BPIFA2: variants seen among roughly 807,000 people sequenced by gnomAD.
BPIFA2 encodes the protein BPI fold containing family A member 2.
Under a neutral mutation model 25.7 loss-of-function variants are expected in BPIFA2, and 20 were observed. The observed-to-expected ratio is 0.78, with a 90% CI of 0.55 to 1.13. BPIFA2 has a LOEUF of 1.13. BPIFA2 is among the 50% of genes most tolerant of loss of function. The pLI, the probability that BPIFA2 is intolerant of heterozygous loss-of-function variation, is 0.00. For missense variants in BPIFA2, 300 were observed against 298.1 expected (o/e 1.01, Z -0.05); for synonymous variants, 126 against 124.3 (o/e 1.01, Z -0.09).
At chr20:33,164,682 TTCTC>T (rs773573757), upstream of BPIFA2, among the ~76,000 whole-genome samples, 7 of 151,504 alleles carry the variant, frequency 4.6e-5, no homozygotes, top group South Asian at 2.1e-4. Context: ...TTTTTCCTCC[TTCTC>T]TCTCTCTCTT....
rs34968847 is a variant in BPIFA2 at position 33,180,557 on chromosome 20, C to T, written c.747C>T (p.Ile249=). 60,686 of 1,612,644 alleles carry T rather than the reference C, an allele frequency of 0.038. 1,666 individuals carry two copies. Among genetic ancestry groups the T allele is most frequent in the African/African-American group, 0.14 (10,497 of 74,970 alleles). The change falls in exon 8 of 9, where the codon ATC becomes ATT. Residue 249 remains isoleucine, a synonymous_variant. Transcript: ENST00000354932. Reference sequence around the variant, plus strand: ...ACAAAACCCAGCTGCAAACCCTCATCTGAAGAGGACGAATGAGGAGGACCA... The same window carrying T: ...ACAAAACCCAGCTGCAAACCCTCATTTGAAGAGGACGAATGAGGAGGACCA... ...PQHKTQLQTL[I] is the part of the protein sequence containing the mutation.
chr20:33,173,153 T>C (rs41290864), intron 3 of BPIFA2, 77 bp downstream of exon 3: 18 of 1,519,306 alleles, frequency 1.2e-5, no homozygotes, highest in Non-Finnish European at 1.5e-5. Context: ...AAGTTTAAGA[T>C]GAAAGACAGA....
At chr20:33,169,804 T>C (rs1028318452) in intron 2 of BPIFA2, among the ~76,000 whole-genome samples, 4 of 152,234 alleles carry the variant, frequency 2.6e-5, no homozygotes, top group African/African-American at 9.6e-5. Context: ...ATTCTTAGCA[T>C]ATTTTTCTTT....
chr20:33,164,477 C>T (rs559396926), upstream of BPIFA2, among the ~76,000 whole-genome samples: 2 of 152,186 alleles, frequency 1.3e-5, no homozygotes, highest in African/African-American at 2.4e-5. Context: ...GTGGGACTGG[C>T]GAGACGTGGC....
chr20:33,169,424 A>G, intron 2 of BPIFA2, 122 bp downstream of exon 2: 2 of 924,210 alleles, frequency 2.2e-6, no homozygotes, highest in South Asian at 1.8e-5. Flanking sequence ...AAAAGTGGCT[A>G]TTCAATTCCT....
chr20:33,179,828 C>CTTTGGCT (rs1984213307), intron 7 of BPIFA2, among the ~76,000 whole-genome samples, 161 bp downstream of exon 7: 1 of 152,192 alleles, frequency 6.6e-6, no homozygotes, highest in African/African-American at 2.4e-5. Context: ...CGGGGGCTCC[C>CTTTGGCT]TTTGGCTTTT....
At chr20:33,179,799 C>CTCCCAA in intron 7 of BPIFA2, 132 bp downstream of exon 7, 1 of 918,948 alleles carries the variant, frequency 1.1e-6, no homozygotes, top group Non-Finnish European at 1.8e-6. Context: ...GGAGCCATGG[C>CTCCCAA]TTCCCCTCCA....
chr20:33,169,336 A>C, intron 2 of BPIFA2, 34 bp downstream of exon 2: 6 of 1,604,452 alleles, frequency 3.7e-6, no homozygotes, highest in Non-Finnish European at 5.1e-6. Context: ...AGTGTCACCT[A>C]AATTAGCCTC....
At chr20:33,181,054 G>T (rs1331640134) in intron 8 of BPIFA2, among the ~76,000 whole-genome samples, 170 bp from the exon 9 acceptor site, 2 of 152,174 alleles carry the variant, frequency 1.3e-5, no homozygotes, top group African/African-American at 4.8e-5. Flanking sequence ...CAAACCACAG[G>T]TGCCAGTTTC....
chr20:33,178,036 C>T, intron 5 of BPIFA2, 111 bp from the exon 6 acceptor site: 3 of 686,584 alleles, frequency 4.4e-6, no homozygotes, highest in Non-Finnish European at 7.5e-6. Context: ...TCTCCATGTC[C>T]CTGGGGTTTA....
chr20:33,179,673 T>C lies in BPIFA2; in HGVS notation c.709+6T>C, dbSNP rs757750446. 10 of 1,606,908 alleles carry C rather than the reference T, an allele frequency of 6.2e-6. No individual in the cohort carries two copies. The highest frequency in any genetic ancestry group is 7.7e-6 in the Non-Finnish European group (9 of 1,173,684). On this transcript the variant is annotated splice_donor_region_variant and intron_variant, in intron 7 of 8. Coordinates refer to ENST00000354932, the MANE Select transcript of BPIFA2 (RefSeq NM_080574.4). Reference sequence around the variant, plus strand: ...TGTCATTCAGCAGGTCGTCGGTAAGTCAATGGGGAAGTGGGGACCTTCTGA... The same window carrying C: ...TGTCATTCAGCAGGTCGTCGGTAAGCCAATGGGGAAGTGGGGACCTTCTGA...
chr20:33,178,895 A>G (rs532931223), intron 6 of BPIFA2, among the ~76,000 whole-genome samples: 2 of 152,296 alleles, frequency 1.3e-5, no homozygotes, highest in South Asian at 2.1e-4. Context: ...CTGAATTGCA[A>G]TCTGCGGGGA....
At chr20:33,178,936 C>T (rs1237709697) in intron 6 of BPIFA2, among the ~76,000 whole-genome samples, 2 of 152,164 alleles carry the variant, frequency 1.3e-5, no homozygotes, top group Non-Finnish European at 2.9e-5. Context: ...AGAGATACTC[C>T]GCTCTACAAC....
chr20:33,167,803 C>T (rs972102016), upstream of BPIFA2, among the ~76,000 whole-genome samples: 5 of 152,184 alleles, frequency 3.3e-5, no homozygotes, highest in Admixed American at 6.5e-5. Context: ...CAAATGATGA[C>T]GGAGTTAGAC....
At chr20:33,166,048 G>A (rs1469354957), upstream of BPIFA2, among the ~76,000 whole-genome samples, 8 of 151,896 alleles carry the variant, frequency 5.3e-5, no homozygotes, top group African/African-American at 7.3e-5. Context: ...ACGGAGTTTC[G>A]CTCTTTTGCC....
At chr20:33,179,516 G>A (rs1351596719) in intron 6 of BPIFA2, 88 bp from the exon 7 acceptor site, 3 of 1,071,674 alleles carry the variant, frequency 2.8e-6, no homozygotes, top group East Asian at 2.4e-5. Context: ...TCATCTGTGG[G>A]TGGCAAGCAA....
At chr20:33,180,690 T>C (rs1984248886) in intron 8 of BPIFA2, 93 bp downstream of exon 8, 3 of 1,020,930 alleles carry the variant, frequency 2.9e-6, no homozygotes, top group Admixed American at 2.1e-5. Context: ...TAGAAGACTG[T>C]GCCTTCATCT....
chr20:33,171,727 G>A (rs910096574), intron 2 of BPIFA2, among the ~76,000 whole-genome samples: 1 of 152,200 alleles, frequency 6.6e-6, no homozygotes, highest in Non-Finnish European at 1.5e-5. Flanking sequence ...TTATTAAAAA[G>A]TCAGGAAACA....
chr20:33,178,315 C>T (rs768044154), intron 6 of BPIFA2, 87 bp downstream of exon 6: 57 of 1,042,934 alleles, frequency 5.5e-5, no homozygotes, highest in Non-Finnish European at 6.7e-5. Context: ...CCTCTGAGCA[C>T]TTTTCCTTCG....
Sources: gnomAD v4.1 joint callset for allele counts (sites outside exome capture counted in the v4.1 genomes callset) on GRCh38, gnomAD v4.1.1 for gene constraint, MANE v1.5 for transcripts, NCBI Gene and HGNC (gene_info 2026-07-23, HGNC 2026-07-21) for gene names.